The following EIF2B3 variants were observed in gnomAD, a reference collection of about 807,000 sequenced individuals.
EIF2B3 encodes the protein eukaryotic translation initiation factor 2B subunit gamma, also known as translation initiation factor eIF2B subunit gamma.
A neutral mutation model predicts 54.1 loss-of-function variants in EIF2B3; 20 were observed. That is an observed-to-expected ratio of 0.37 (90% CI 0.26 to 0.54). EIF2B3 has a LOEUF of 0.54. Ranked by LOEUF, EIF2B3 falls within the 20% of genes least tolerant of loss-of-function variation. The pLI is 0.86. For missense variants in EIF2B3, 448 were observed against 547.8 expected (o/e 0.82, Z 1.82); for synonymous variants, 153 against 188.1 (o/e 0.81, Z 1.52).
In EIF2B3 at chr1:44,875,695, C is replaced by G; in HGVS notation, c.976G>C (p.Val326Leu). Residue 326 changes from valine to leucine, a missense_variant and splice_region_variant, in exon 9 of 12, where the codon GTG (valine) becomes CTG (leucine). This residue lies in a region of EIF2B3 where 350 missense variants were observed against 414.2 expected (regional missense o/e 0.85). Coordinates refer to ENST00000360403, the MANE Select transcript of EIF2B3 (RefSeq NM_020365.5). ...CAGAGAGCAGACAGCAATTTGGGCA[C>G]CTTAAGGACAGAGATTTGGTCACTA... ...LGLYMEANRQ[V>L]PKLLSALCPE... 6.2e-7 allele frequency: 1 copy of G among 1,614,076 alleles called. No homozygotes were observed. The highest frequency in any genetic ancestry group is 8.5e-7 in the Non-Finnish European group (1 of 1,179,962).
intron 3 of EIF2B3, among the ~76,000 whole-genome samples, chr1:44,965,757 G>A (rs1029346624): frequency 1.5e-4 from 23 of 149,202 alleles, no homozygotes; most frequent in African/African-American, 4.2e-4. Context: ...TTCGTGCCTC[G>A]GCCTCCTGAG....
intron 6 of EIF2B3, among the ~76,000 whole-genome samples, chr1:44,890,814 G>A (rs1655772229): frequency 6.6e-6 from 1 of 152,174 alleles, no homozygotes; most frequent in African/African-American, 2.4e-5. Context: ...AGCTCCTTCT[G>A]CATTTGGGGG....
chr1:44,950,550 G>A (rs932366571), intron 3 of EIF2B3, among the ~76,000 whole-genome samples: 1 of 151,994 alleles, frequency 6.6e-6, no homozygotes. Flanking sequence ...TGGGGTGGGG[G>A]TGGTCAGGGG....
chr1:44,905,358 TG>T (rs2148919104), intron 5 of EIF2B3, among the ~76,000 whole-genome samples: 1 of 152,304 alleles, frequency 6.6e-6, no homozygotes, highest in East Asian at 1.9e-4. Context: ...GGTGACCTTG[TG>T]GGTTTGTTCT....
chr1:44,940,198 TTAA>T (rs1315074500), intron 4 of EIF2B3, among the ~76,000 whole-genome samples: 2 of 152,170 alleles, frequency 1.3e-5, no homozygotes, highest in African/African-American at 4.8e-5. Context: ...AGTGGCTCTA[TTAA>T]TAATAGTAAG....
At chr1:44,950,603 A>G (rs1156464246) in intron 3 of EIF2B3, among the ~76,000 whole-genome samples, 2 of 152,120 alleles carry the variant, frequency 1.3e-5, no homozygotes, top group Non-Finnish European at 2.9e-5. Flanking sequence ...TGAATTATTT[A>G]AATTATTAAA....
intron 3 of EIF2B3, among the ~76,000 whole-genome samples, chr1:44,968,247 T>C (rs903675726): frequency 1.3e-5 from 2 of 149,958 alleles, no homozygotes; most frequent in African/African-American, 4.9e-5. Flanking sequence ...GTTCCTATAG[T>C]CCCAGTCACT....
chr1:44,911,974 G>A (rs1643526301), intron 5 of EIF2B3, among the ~76,000 whole-genome samples: 1 of 148,754 alleles, frequency 6.7e-6, no homozygotes, highest in Non-Finnish European at 1.5e-5. Flanking sequence ...TTTTGTTCTT[G>A]CGATAGTTTA....
intron 11 of EIF2B3, among the ~76,000 whole-genome samples, chr1:44,855,236 T>C (rs1481462900): frequency 6.6e-6 from 1 of 152,120 alleles, no homozygotes; most frequent in Non-Finnish European, 1.5e-5. Context: ...TTGTCCAGTT[T>C]AGAGCCCAGA....
intron 4 of EIF2B3, among the ~76,000 whole-genome samples, chr1:44,930,943 A>G (rs546251024): frequency 2.0e-5 from 3 of 152,336 alleles, no homozygotes; most frequent in African/African-American, 7.2e-5. Context: ...CCAAGGCTCT[A>G]TACATATTAA....
intron 10 of EIF2B3, among the ~76,000 whole-genome samples, chr1:44,864,195 A>G (rs1037661054): frequency 2.6e-5 from 4 of 152,176 alleles, no homozygotes; most frequent in African/African-American, 9.7e-5. Context: ...AAAGGTAGGG[A>G]ATGAACCAAA....
chr1:44,979,924 C>A (rs185874400), intron 2 of EIF2B3, among the ~76,000 whole-genome samples: 58 of 152,204 alleles, frequency 3.8e-4, no homozygotes, highest in East Asian at 3.9e-4. Context: ...TGAGATCACA[C>A]CACTGTACTC....
intron 4 of EIF2B3, among the ~76,000 whole-genome samples, chr1:44,933,655 C>A (rs1390794193): frequency 6.6e-6 from 1 of 151,858 alleles, no homozygotes; most frequent in Non-Finnish European, 1.5e-5. Context: ...AAACTAAATT[C>A]AAAAAAGAAA....
At chr1:44,892,707 G>T (rs1467946852) in intron 6 of EIF2B3, among the ~76,000 whole-genome samples, 1 of 152,180 alleles carries the variant, frequency 6.6e-6, no homozygotes, top group African/African-American at 2.4e-5. Flanking sequence ...CAACTAGGAA[G>T]TTCAAAGGAG....
intron 11 of EIF2B3, among the ~76,000 whole-genome samples, chr1:44,853,999 TTTTTTTTG>T (rs1654357043): frequency 6.6e-6 from 1 of 150,980 alleles, no homozygotes; most frequent in African/African-American, 2.5e-5. Context: ...TTAGTGTTTT[TTTTTTTTG>T]TTTTTTTTTT....
Position 44,959,470 on chromosome 1 carries a change from G to T in EIF2B3, c.295-17805C>A, listed in dbSNP as rs183525990. ...GGCTGGGAGGATCACTTGAGCCCAG[G>T]AGTATGACACTGTAATGATCTAAGA... On this transcript the variant is annotated intron_variant, in intron 3 of 11. Transcript: ENST00000360403. 135 of 372,550 alleles carry T rather than the reference G, an allele frequency of 3.6e-4. 1 individual carries two copies. In the Middle Eastern group the frequency reaches 6.8e-3, roughly 19 times the overall value. 23.1% of individuals were successfully genotyped at this position (372,550 alleles called of 1,614,324 possible). A position where few individuals can be genotyped will look rare whatever the true frequency, so the allele number is the denominator to read the frequency against.
chr1:44,900,161 A>G (rs1242174921), intron 5 of EIF2B3, among the ~76,000 whole-genome samples: 1 of 152,112 alleles, frequency 6.6e-6, no homozygotes, highest in Non-Finnish European at 1.5e-5. Flanking sequence ...AGATGGGAAC[A>G]AAAGTCTGGG....
chr1:44,877,192 T>TAAAAAAAAAAA lies in EIF2B3; in HGVS notation c.976-1508_976-1498dup, dbSNP rs768263508. Among the ~76,000 whole-genome samples, 325 of 51,964 alleles carry TAAAAAAAAAAA rather than the reference T, an allele frequency of 6.3e-3. 50 individuals are homozygous for TAAAAAAAAAAA. The highest frequency in any genetic ancestry group is 0.026 in the African/African-American group (288 of 11,138). 34.1% of individuals were successfully genotyped at this position (51,964 alleles called of 152,430 possible). On this transcript the variant is annotated intron_variant, in intron 8 of 11. Transcript: ENST00000360403. ...GCGAGAAACACCCAAGAATGATCAATAAAAAAAAAAAAAAAAAAAAAAAAA... is the reference window on the plus strand; with the variant it reads ...GCGAGAAACACCCAAGAATGATCAATAAAAAAAAAAAAAAAAAAAAAAAAAAAAAAAAAAAA...
intron 5 of EIF2B3, among the ~76,000 whole-genome samples, chr1:44,915,950 T>C (rs1027762018): frequency 1.4e-4 from 21 of 152,176 alleles, no homozygotes; most frequent in African/African-American, 5.1e-4. Flanking sequence ...GAAATTATTA[T>C]GGTTTTTTTA....
Sources: gnomAD v4.1 joint callset for allele counts (sites outside exome capture counted in the v4.1 genomes callset) on GRCh38, gnomAD v4.1.1 for gene constraint, gnomAD v4.1.1 regional missense constraint, MANE v1.5 for transcripts, NCBI Gene and HGNC (gene_info 2026-07-23, HGNC 2026-07-21) for gene names.